Variants in MASP1 observed in about 807,000 individuals in gnomAD.
The protein encoded by MASP1 is mannan-binding lectin serine protease 1.
A neutral mutation model predicts 77.1 loss-of-function variants in MASP1; 59 were observed. That is an observed-to-expected ratio of 0.77 (90% CI 0.62 to 0.95). MASP1 has a LOEUF of 0.95. Among genes scored for constraint, MASP1 ranks in the 40% least tolerant of loss-of-function variants. The pLI is 0.00. For synonymous variants in MASP1, 362 were observed against 354.5 expected (o/e 1.02, Z -0.24); for missense variants, 885 against 912.9 (o/e 0.97, Z 0.39).
At chr3:187,219,752 G>C (rs184990735) in exon 16 of MASP1, 102 of 405,950 alleles carry the variant, frequency 2.5e-4, no homozygotes, top group Non-Finnish European at 3.7e-4. Context: ...TTCCTCATCA[G>C]ACTTTTACGA....
rs1199030461 is a variant in MASP1 at position 187,243,570 on chromosome 3, G to A, written c.1142C>T (p.Ser381Phe). ...GTATGTGGTGAGGTTGTTCCTTGTA[G>A]AGAAGGTGATCAGCCCGTGTTCCAG... is the stretch of plus-strand genomic sequence containing the variant. Reference protein sequence around the residue: ...GELEHGLITFSTRNNLTTYKS... With the variant: ...GELEHGLITFFTRNNLTTYKS... Residue 381 changes from serine to phenylalanine, a missense_variant, in exon 9 of 11, where the codon TCT (serine) becomes TTT (phenylalanine). Transcript: ENST00000296280. 6.2e-7 allele frequency: 1 copy of A among 1,614,176 alleles called. No homozygotes were observed. The highest frequency in any genetic ancestry group is 8.5e-7 in the Non-Finnish European group (1 of 1,180,024).
At chr3:187,218,423 G>A (rs930805306) in exon 16 of MASP1, 1 of 152,626 alleles carries the variant, frequency 6.6e-6, no homozygotes, top group African/African-American at 2.4e-5. Context: ...CTTTGGCATT[G>A]AAAATGGAGT....
intron 2 of MASP1, among the ~76,000 whole-genome samples, chr3:187,271,841 C>G (rs895607468): frequency 6.6e-6 from 1 of 152,220 alleles, no homozygotes; most frequent in African/African-American, 2.4e-5. Context: ...CTTGTCTTCC[C>G]TTCATCACAG....
At chr3:187,223,081 G>T in intron 14 of MASP1, 2 of 1,508,710 alleles carry the variant, frequency 1.3e-6, no homozygotes, top group Non-Finnish European at 1.8e-6. Flanking sequence ...AAGGCCCAGT[G>T]CAGAGCTGAG....
intron 2 of MASP1, among the ~76,000 whole-genome samples, chr3:187,269,622 A>G (rs1716350806): frequency 2.0e-5 from 3 of 152,262 alleles, no homozygotes; most frequent in Admixed American, 1.3e-4. Context: ...AGGAAGCAGA[A>G]CTGGGCTCTA....
chr3:187,219,722 T>C (rs1711923080), exon 16 of MASP1: 2 of 366,026 alleles, frequency 5.5e-6, no homozygotes, highest in South Asian at 2.3e-5. Flanking sequence ...TTAAGTGCTA[T>C]GCATCTATTA....
At chr3:187,218,013 T>C (rs1711854873) in exon 16 of MASP1, 1 of 152,222 alleles carries the variant, frequency 6.6e-6, no homozygotes, top group African/African-American at 2.4e-5. Context: ...AAAGGACATC[T>C]TGAGTGGACA....
intron 8 of MASP1, among the ~76,000 whole-genome samples, chr3:187,245,585 T>A (rs1336070788): frequency 6.6e-6 from 1 of 152,096 alleles, no homozygotes; most frequent in Non-Finnish European, 1.5e-5. Context: ...AAGTCCACAG[T>A]GGCAGGGAAA....
intron 2 of MASP1, among the ~76,000 whole-genome samples, chr3:187,271,711 T>C (rs931774829): frequency 1.3e-5 from 2 of 152,168 alleles, no homozygotes; most frequent in African/African-American, 4.8e-5. Flanking sequence ...TCCCTCTAGC[T>C]TCCACCCCAT....
At chr3:187,217,381 A>G (rs532939492) in exon 16 of MASP1, 1 of 152,384 alleles carries the variant, frequency 6.6e-6, no homozygotes, top group South Asian at 2.1e-4. Context: ...ATTATTGCTA[A>G]CAGCAGCACT....
intron 5 of MASP1, among the ~76,000 whole-genome samples, chr3:187,254,854 C>A (rs1714939906): frequency 6.6e-6 from 1 of 152,046 alleles, no homozygotes; most frequent in African/African-American, 2.4e-5. Flanking sequence ...AGGGCCATGA[C>A]TCCTTATCTA....
intron 1 of MASP1, among the ~76,000 whole-genome samples, chr3:187,290,842 T>C (rs1718261057): frequency 6.6e-6 from 1 of 151,300 alleles, no homozygotes; most frequent in Non-Finnish European, 1.5e-5. Context: ...ACTAGGGTGG[T>C]TGGGTTTTCA....
At chr3:187,226,585 C>G (rs906684270) in intron 11 of MASP1, 1 of 1,149,934 alleles carries the variant, frequency 8.7e-7, no homozygotes, top group Non-Finnish European at 1.3e-6. Context: ...CTGTCTTGAG[C>G]TGAGGATCTT....
rs1349297558 is a variant in MASP1 at position 187,246,469 on chromosome 3, G to A, written c.1091-2848C>T. The A allele has an allele frequency of 6.1e-6, 6 of 985,254 alleles. No individual in the cohort carries two copies. In the Admixed American group the frequency reaches 3.7e-4, roughly 61 times the overall value. 61.0% of individuals were successfully genotyped at this position (985,254 alleles called of 1,614,324 possible). On this transcript the variant is annotated intron_variant, in intron 8 of 10. Coordinates refer to ENST00000296280, the MANE Select transcript of MASP1 (RefSeq NM_139125.4). ...GGCACCTCAGTCTCCAGACTGCCCAGGGTTCTCCCCTCACCGCACAGCCAT... is the reference window on the plus strand; with the variant it reads ...GGCACCTCAGTCTCCAGACTGCCCAAGGTTCTCCCCTCACCGCACAGCCAT...
intron 6 of MASP1, among the ~76,000 whole-genome samples, chr3:187,252,009 A>T (rs1401950567): frequency 6.6e-6 from 1 of 152,166 alleles, no homozygotes; most frequent in Non-Finnish European, 1.5e-5. Flanking sequence ...GGTTGGGAGG[A>T]ATGTTAAATG....
chr3:187,250,345 A>C lies in MASP1; in HGVS notation c.1012-16T>G, dbSNP rs1384421416. On this transcript the variant is annotated splice_polypyrimidine_tract_variant and intron_variant, in intron 7 of 10. Transcript: ENST00000296280. ...CCACATTATCCTGGGAAGAGACAGG[A>C]AGAAGGGAGTGGGAAGAAGGAGGTG... 6.2e-7 allele frequency: 1 copy of C among 1,600,264 alleles called. No homozygotes were observed. The highest frequency in any genetic ancestry group is 8.6e-7 in the Non-Finnish European group (1 of 1,167,338).
chr3:187,220,077 C>A, exon 16 of MASP1: 1 of 1,613,540 alleles, frequency 6.2e-7, no homozygotes, highest in Non-Finnish European at 8.5e-7. Context: ...AAATTCAGTT[C>A]CTCACTCCGG....
chr3:187,271,858 G>A (rs963334747), intron 2 of MASP1, among the ~76,000 whole-genome samples: 1 of 152,258 alleles, frequency 6.6e-6, no homozygotes, highest in African/African-American at 2.4e-5. Context: ...ACAGAACATG[G>A]CGTGGGAACT....
chr3:187,246,409 C>T, intron 8 of MASP1: 1 of 985,400 alleles, frequency 1.0e-6, no homozygotes, highest in South Asian at 4.7e-5. Context: ...GTAGCCAGCC[C>T]ATCTCTTCTT....
Sources: allele counts gnomAD v4.1 joint callset (sites outside exome capture counted in the v4.1 genomes callset), GRCh38; gene constraint gnomAD v4.1.1; transcripts MANE v1.5; gene names NCBI Gene and HGNC (gene_info 2026-07-23, HGNC 2026-07-21).